ZNF26: variants seen among roughly 807,000 people sequenced by gnomAD.
ZNF26 encodes epididymis luminal protein 179.
In ZNF26, 32 loss-of-function variants were observed where a neutral mutation model predicts 54.9. The ratio of observed to expected loss-of-function variants is 0.58; its 90% CI spans 0.44 to 0.78. ZNF26 has a LOEUF of 0.78. Among genes scored for constraint, ZNF26 ranks in the 30% least tolerant of loss-of-function variants. The probability of loss-of-function intolerance (pLI) is 0.00; values close to 1 mark genes in which losing one functional copy is unlikely to be tolerated. For synonymous variants in ZNF26, 221 were observed against 209.2 expected (o/e 1.06, Z -0.49); for missense variants, 524 against 634.0 (o/e 0.83, Z 1.86).
intron 1 of ZNF26, among the ~76,000 whole-genome samples, chr12:132,996,999 G>A (rs1446175341): frequency 6.6e-6 from 1 of 152,190 alleles, no homozygotes; most frequent in African/African-American, 2.4e-5. Flanking sequence ...ACAAGGTGGT[G>A]GATCCCTGCA....
At chr12:132,987,553 G>A in intron 1 of ZNF26, 3 of 223,442 alleles carry the variant, frequency 1.3e-5, no homozygotes, top group Non-Finnish European at 2.3e-5. Context: ...CGACGTTGCC[G>A]GATGTGGTGC....
At position 133,010,342 on chromosome 12, in the gene ZNF26, G is replaced by T; in HGVS notation, c.463G>T (p.Gly155Cys). ...YLRKNPDKFHGYEEPYFLKHQ... is the reference protein window; with the variant it reads ...YLRKNPDKFHCYEEPYFLKHQ... ...AAGAAAGAATCCTGATAAGTTTCATGGTTATGAAGAACCATATTTTCTTAA... is the reference window on the plus strand; with the variant it reads ...AAGAAAGAATCCTGATAAGTTTCATTGTTATGAAGAACCATATTTTCTTAA... The change falls in exon 4 of 4, where the codon GGT (glycine) becomes TGT (cysteine). Residue 155 changes from glycine (G) to cysteine (C), a missense_variant. Transcript: ENST00000328654. 2 of 1,613,772 alleles carry T rather than the reference G, an allele frequency of 1.2e-6. No homozygotes were observed. The highest frequency in any genetic ancestry group is 1.7e-6 in the Non-Finnish European group (2 of 1,179,964).
Position 133,026,292 on chromosome 12 carries a change from G to A in ZNF26, c.*14811G>A, listed in dbSNP as rs922020035. 5.3e-5 allele frequency: 8 copies of A among 151,942 alleles called. No homozygotes were observed. The highest frequency in any genetic ancestry group is 1.2e-4 in the Non-Finnish European group (8 of 68,010). 9.4% of individuals were successfully genotyped at this position (151,942 alleles called of 1,614,324 possible). A position where few individuals can be genotyped will look rare whatever the true frequency, so the allele number is the denominator to read the frequency against. The stretch of plus-strand genomic sequence containing the variant: ...ATTTTTGTATTTTTAGTAGAGATGG[G>A]GTTTCACCATCTTGGGCAGGCTGGT... On this transcript the variant is annotated 3_prime_UTR_variant, in exon 4 of 4. Transcript: ENST00000328654.
In ZNF26 at chr12:133,014,198, T is replaced by C. The variant is rs1953530270; in HGVS notation, c.*2717T>C. The stretch of plus-strand genomic sequence containing the variant: ...GAGCATTGCAGGAATGAGTAATGTA[T>C]CAAAACTTCTCAGCATGACAACACC... On this transcript the variant is annotated 3_prime_UTR_variant, in exon 4 of 4. Transcript: ENST00000328654. The C allele has an allele frequency of 6.6e-6, 1 of 152,218 alleles. No homozygotes were observed. The highest frequency in any genetic ancestry group is 2.4e-5 in the African/African-American group (1 of 41,444). 9.4% of individuals were successfully genotyped at this position (152,218 alleles called of 1,614,324 possible). A position where few individuals can be genotyped will look rare whatever the true frequency, so the allele number is the denominator to read the frequency against.
At chr12:132,996,619 A>G (rs1298748878) in intron 1 of ZNF26, among the ~76,000 whole-genome samples, 2 of 152,232 alleles carry the variant, frequency 1.3e-5, no homozygotes, top group African/African-American at 2.4e-5. Flanking sequence ...TGGAAAATTA[A>G]TATCTTTGCC....
intron 1 of ZNF26, among the ~76,000 whole-genome samples, chr12:133,002,902 G>T (rs1453319107): frequency 1.3e-5 from 2 of 152,060 alleles, no homozygotes; most frequent in African/African-American, 2.4e-5. Context: ...GGGATTACAG[G>T]TGTGAATCAC....
In ZNF26 at chr12:133,011,070, C is replaced by G; in HGVS notation, c.1191C>G (p.Pro397=). Residue 397 remains proline (P), a synonymous_variant, in exon 4 of 4, where the codon CCC becomes CCG. Transcript: ENST00000328654. ...TGAGAGCTCATGCAGGAGAGAAGCC[C>G]TATGGATGCAGTGAATGTGGGAAGG... The part of the protein sequence containing the change: ...AHLRAHAGEK[P]YGCSECGKAF... 3 of 1,614,070 alleles carry G rather than the reference C, an allele frequency of 1.9e-6. No homozygotes were observed. Among genetic ancestry groups the G allele is most frequent in the Non-Finnish European group, 2.5e-6 (3 of 1,180,004 alleles).
At position 132,986,460 on chromosome 12, in the gene ZNF26, C is replaced by T. The variant is rs1952819743; in HGVS notation, c.-381C>T. The T allele has an allele frequency of 2.8e-5, 7 of 246,214 alleles. No individual in the cohort carries two copies. The highest frequency in any genetic ancestry group is 2.5e-4 in the Admixed American group (5 of 19,856). 15.3% of individuals were successfully genotyped at this position (246,214 alleles called of 1,614,324 possible). ...GGCCAGCGGGTGTACCTGGCTGAGT[C>T]TCTGTGGCCGCGGAGGCGCGGAGCT... is the stretch of plus-strand genomic sequence containing the variant. On this transcript the variant is annotated 5_prime_UTR_variant, in exon 1 of 4. Coordinates refer to ENST00000328654, the MANE Select transcript of ZNF26 (RefSeq NM_019591.4).
At chr12:132,988,084 C>T (rs1952864852) in intron 1 of ZNF26, among the ~76,000 whole-genome samples, 2 of 152,342 alleles carry the variant, frequency 1.3e-5, no homozygotes, top group Admixed American at 1.3e-4. Context: ...TCTCGGCTCA[C>T]TGCAACCTCT....
intron 1 of ZNF26, among the ~76,000 whole-genome samples, chr12:133,000,418 ATTTTTT>A (rs139011460): frequency 3.3e-5 from 2 of 60,954 alleles, no homozygotes; most frequent in African/African-American, 1.2e-4. Flanking sequence ...TACCTGGCTA[ATTTTTT>A]TTTTTTTTTT....
In ZNF26 at chr12:133,012,578, G is replaced by GTTTTTTTTTGTTTTT. The variant is rs1953501656; in HGVS notation, c.*1106_*1107insGTTTTTTTTTTTTTT. On this transcript the variant is annotated 3_prime_UTR_variant, in exon 4 of 4. Coordinates refer to ENST00000328654, the MANE Select transcript of ZNF26 (RefSeq NM_019591.4). ...ATGTCTTTTGCTTTTTGTTGTTTGG[G>GTTTTTTTTTGTTTTT]TTTTTTTTTTTTTTTTTTTTTTTTT... 2.7e-5 allele frequency: 1 copy of GTTTTTTTTTGTTTTT among 37,652 alleles called. No individual in the cohort carries two copies. Among genetic ancestry groups the GTTTTTTTTTGTTTTT allele is most frequent in the Non-Finnish European group, 4.8e-5 (1 of 20,650 alleles). The allele number at this position is 37,652 out of a possible 1,614,324, so 2.3% of individuals were successfully genotyped here.
chr12:133,010,069 A>G, intron 3 of ZNF26, 67 bp from the exon 4 acceptor site: 3 of 1,487,578 alleles, frequency 2.0e-6, no homozygotes, highest in Non-Finnish European at 2.7e-6. Context: ...CAGTCCTAAT[A>G]CTGTTTAATT....
chr12:133,010,805 C>A lies in ZNF26; in HGVS notation c.926C>A (p.Thr309Lys), dbSNP rs1953454129. 1.5e-5 allele frequency: 25 copies of A among 1,613,886 alleles called. No homozygotes were observed. Among genetic ancestry groups the A allele is most frequent in the Non-Finnish European group, 2.0e-5 (24 of 1,180,034 alleles). The change falls in exon 4 of 4, where the codon ACA becomes AAA. Residue 309 changes from threonine to lysine, a missense_variant. Thr to Lys is a moderately conservative substitution (Grantham distance 78). Coordinates refer to ENST00000328654, the MANE Select transcript of ZNF26 (RefSeq NM_019591.4). ...SPFVVHQRTH[T>K]GVKPHKCSEC... ...TTCGTTGTACACCAGAGAACTCATA[C>A]AGGAGTGAAACCCCATAAATGCAGT...
At chr12:132,990,583 T>C (rs1171549891) in intron 1 of ZNF26, among the ~76,000 whole-genome samples, 2 of 152,226 alleles carry the variant, frequency 1.3e-5, no homozygotes, top group Admixed American at 1.3e-4. Flanking sequence ...CCTCTGCCTT[T>C]ATCTTCTGAA....
Position 133,018,126 on chromosome 12 carries a change from AGTC to A in ZNF26, c.*6648_*6650del, listed in dbSNP as rs1953592771. 1.3e-5 allele frequency: 2 copies of A among 152,242 alleles called. No homozygotes were observed. The highest frequency in any genetic ancestry group is 2.1e-4 in the South Asian group (1 of 4,834). The allele number at this position is 152,242 out of a possible 1,614,324, so 9.4% of individuals were successfully genotyped here. A position where few individuals can be genotyped will look rare whatever the true frequency, so the allele number is the denominator to read the frequency against. On this transcript the variant is annotated 3_prime_UTR_variant, in exon 4 of 4. Coordinates refer to ENST00000328654, the MANE Select transcript of ZNF26 (RefSeq NM_019591.4). ...CCACAAAGGAGGAGGATGGGAGAAGAGTCGTGTTGGGGTAAGGAAATGGCTCTA... is the reference window on the plus strand; with the variant it reads ...CCACAAAGGAGGAGGATGGGAGAAGAGTGTTGGGGTAAGGAAATGGCTCTA...
chr12:133,018,860 C>G lies in ZNF26; in HGVS notation c.*7379C>G, dbSNP rs1953601448. ...CTCCCATTCTGGTCTCTCGAAGCAT[C>G]AAGATTATAGGCATGAGCCAGCGCA... On this transcript the variant is annotated 3_prime_UTR_variant, in exon 4 of 4. Coordinates refer to ENST00000328654, the MANE Select transcript of ZNF26 (RefSeq NM_019591.4). The G allele has an allele frequency of 6.6e-6, 1 of 151,988 alleles. No homozygotes were observed. The highest frequency in any genetic ancestry group is 6.6e-5 in the Admixed American group (1 of 15,248). 9.4% of individuals were successfully genotyped at this position (151,988 alleles called of 1,614,324 possible). A position where few individuals can be genotyped will look rare whatever the true frequency, so the allele number is the denominator to read the frequency against.
chr12:132,986,722 A>G lies in ZNF26; in HGVS notation c.-119A>G. On this transcript the variant is annotated 5_prime_UTR_variant, in exon 1 of 4. Coordinates refer to ENST00000328654, the MANE Select transcript of ZNF26 (RefSeq NM_019591.4). ...TCCCTGCCAACGACTCGGCCCCGGG[A>G]CGGTCAGGAGCCTGGGGCCCTGGTC... The G allele has an allele frequency of 8.9e-7, 1 of 1,118,738 alleles. No individual in the cohort carries two copies. The highest frequency in any genetic ancestry group is 1.3e-6 in the Non-Finnish European group (1 of 783,796). The allele number at this position is 1,118,738 out of a possible 1,614,324, so 69.3% of individuals were successfully genotyped here.
Position 133,017,184 on chromosome 12 carries a change from A to T in ZNF26, c.*5703A>T. The T allele has an allele frequency of 6.6e-6, 1 of 152,258 alleles. No individual in the cohort carries two copies. The highest frequency in any genetic ancestry group is 1.5e-5 in the Non-Finnish European group (1 of 68,044). 9.4% of individuals were successfully genotyped at this position (152,258 alleles called of 1,614,324 possible). ...GAAATAAGCCCCAGAAAATAACAGT[A>T]TGTAACATTGGAAGAAGTCTAATAA... is the stretch of plus-strand genomic sequence containing the variant. On this transcript the variant is annotated 3_prime_UTR_variant, in exon 4 of 4. Coordinates refer to ENST00000328654, the MANE Select transcript of ZNF26 (RefSeq NM_019591.4).
In ZNF26 at chr12:132,986,618, C is replaced by G; in HGVS notation, c.-223C>G. On this transcript the variant is annotated 5_prime_UTR_variant, in exon 1 of 4. Coordinates refer to ENST00000328654, the MANE Select transcript of ZNF26 (RefSeq NM_019591.4). ...GGCCACGGAAAGGCACAAATCCATC[C>G]GTGCGACTCCTGGTACCCAGACCGG... is the stretch of plus-strand genomic sequence containing the variant. The G allele has an allele frequency of 1.7e-6, 1 of 591,966 alleles. No homozygotes were observed. The allele number at this position is 591,966 out of a possible 1,614,324, so 36.7% of individuals were successfully genotyped here.
Sources: allele counts gnomAD v4.1 joint callset (sites outside exome capture counted in the v4.1 genomes callset), GRCh38; gene constraint gnomAD v4.1.1; transcripts MANE v1.5; gene names NCBI Gene and HGNC (gene_info 2026-07-23, HGNC 2026-07-21).